Variants in SORCS2 observed in about 807,000 individuals in gnomAD.
The protein encoded by SORCS2 is VPS10 domain-containing receptor SorCS2.
SORCS2 carries 100 observed loss-of-function variants against 141.6 expected under a neutral mutation model. That is an observed-to-expected ratio of 0.71 (90% CI 0.60 to 0.83). The LOEUF is 0.83. SORCS2 is among the 40% of genes least tolerant of loss of function. SORCS2 has a pLI of 0.00. For missense variants in SORCS2, 1,646 were observed against 1,560.2 expected, an observed-to-expected ratio of 1.05 and a Z score of -0.93; for synonymous variants, 789 against 676.9, an observed-to-expected ratio of 1.17 and a Z score of -2.57.
At chr4:7,658,949 A>G (rs1179244988) in intron 5 of SORCS2, among the ~76,000 whole-genome samples, 1 of 152,238 alleles carries the variant, frequency 6.6e-6, no homozygotes, top group Non-Finnish European at 1.5e-5. Context: ...GGCCACTGAT[A>G]CCAGGAAGTG....
At chr4:7,561,622 A>T (rs1223868123) in intron 3 of SORCS2, among the ~76,000 whole-genome samples, 8 of 148,510 alleles carry the variant, frequency 5.4e-5, no homozygotes, top group Admixed American at 5.3e-4. Context: ...CCATCCGTCT[A>T]TCTACCCATT....
chr4:7,654,322 C>T (rs1224610314), intron 5 of SORCS2, 115 bp downstream of exon 5: 7 of 1,088,112 alleles, frequency 6.4e-6, no homozygotes, highest in East Asian at 2.6e-5. Flanking sequence ...GGACCCTCCC[C>T]ATCCCGGGGC....
intron 2 of SORCS2, among the ~76,000 whole-genome samples, chr4:7,528,179 A>T (rs939712031): frequency 2.0e-5 from 3 of 152,154 alleles, no homozygotes; most frequent in Non-Finnish European, 4.4e-5. Context: ...CAGTATGCAC[A>T]CATCATGTGA....
chr4:7,639,691 G>A (rs1013083747), intron 4 of SORCS2, among the ~76,000 whole-genome samples: 1 of 150,018 alleles, frequency 6.7e-6, no homozygotes, highest in African/African-American at 2.5e-5. Flanking sequence ...GAGGGTGTGG[G>A]TGTCTGTGTG....
chr4:7,737,674 C>T (rs1319102193), intron 26 of SORCS2, among the ~76,000 whole-genome samples: 1 of 152,210 alleles, frequency 6.6e-6, no homozygotes, highest in Admixed American at 6.5e-5. Context: ...CGCTCCTGGT[C>T]ATGCCCAGCA....
At chr4:7,462,446 A>C (rs1053912027) in intron 2 of SORCS2, among the ~76,000 whole-genome samples, 1 of 152,152 alleles carries the variant, frequency 6.6e-6, no homozygotes, top group Non-Finnish European at 1.5e-5. Flanking sequence ...TTATAAGCCT[A>C]TCAGTAGGCC....
intron 2 of SORCS2, among the ~76,000 whole-genome samples, chr4:7,413,902 C>T (rs1012521741): frequency 1.1e-4 from 16 of 152,068 alleles, no homozygotes; most frequent in African/African-American, 3.1e-4. Flanking sequence ...TTTCCTCCTG[C>T]CTATCGGATT....
intron 1 of SORCS2, among the ~76,000 whole-genome samples, chr4:7,223,784 C>T (rs1022026778): frequency 2.6e-5 from 4 of 152,198 alleles, no homozygotes; most frequent in Non-Finnish European, 5.9e-5. Flanking sequence ...CTGGTCTGGC[C>T]TGTGGCCCAC....
rs73214682 is a variant in SORCS2 at position 7,576,848 on chromosome 4, T to G, written c.648+45219T>G. Among the ~76,000 whole-genome samples the G allele has an allele frequency of 9.2e-3, 1,397 of 152,286 alleles. 11 individuals are homozygous for G. The highest frequency in any genetic ancestry group is 0.016 in the Non-Finnish European group (1,096 of 68,026). ...CCAGCCTGGCTCATGGCACATGAAC[T>G]CATGCGTGCCCCACCCAGCGGACCA... On this transcript the variant is annotated intron_variant, in intron 3 of 26. Coordinates refer to ENST00000507866, the MANE Select transcript of SORCS2 (RefSeq NM_020777.3).
At chr4:7,699,752 C>A (rs1230763710) in intron 12 of SORCS2, among the ~76,000 whole-genome samples, 1 of 152,196 alleles carries the variant, frequency 6.6e-6, no homozygotes, top group African/African-American at 2.4e-5. Context: ...TCTCCGCCAC[C>A]CGCCTGGCCA....
intron 1 of SORCS2, among the ~76,000 whole-genome samples, chr4:7,196,317 T>C (rs1727164384): frequency 6.6e-6 from 1 of 152,164 alleles, no homozygotes; most frequent in South Asian, 2.1e-4. Context: ...AGCGGTGCTA[T>C]TTGAAGGTGG....
At chr4:7,502,267 C>T (rs1732020021) in intron 2 of SORCS2, among the ~76,000 whole-genome samples, 1 of 152,180 alleles carries the variant, frequency 6.6e-6, no homozygotes, top group African/African-American at 2.4e-5. Flanking sequence ...CCTTGGAAGC[C>T]AGCACGAGGC....
At chr4:7,682,114 C>G (rs1055281167) in intron 9 of SORCS2, among the ~76,000 whole-genome samples, 4 of 152,172 alleles carry the variant, frequency 2.6e-5, no homozygotes, top group Non-Finnish European at 5.9e-5. Context: ...AACTTAGTAA[C>G]CACTCTTGGA....
At chr4:7,569,602 T>C (rs1360123551) in intron 3 of SORCS2, among the ~76,000 whole-genome samples, 6 of 152,234 alleles carry the variant, frequency 3.9e-5, no homozygotes, top group African/African-American at 1.2e-4. Flanking sequence ...CTATCCTATG[T>C]GCAGAGAACA....
intron 1 of SORCS2, among the ~76,000 whole-genome samples, chr4:7,335,091 C>A (rs947127961): frequency 6.6e-6 from 1 of 152,162 alleles, no homozygotes; most frequent in African/African-American, 2.4e-5. Context: ...TGTGTCCCTT[C>A]AGCTCCCATT....
At chr4:7,336,972 C>T (rs533233378) in intron 1 of SORCS2, among the ~76,000 whole-genome samples, 39 of 152,240 alleles carry the variant, frequency 2.6e-4, no homozygotes, top group African/African-American at 9.1e-4. Flanking sequence ...CTCCTTTCAG[C>T]GCGGTGGTGA....
chr4:7,349,108 T>C (rs1429823357), intron 1 of SORCS2, among the ~76,000 whole-genome samples: 1 of 152,176 alleles, frequency 6.6e-6, no homozygotes, highest in Non-Finnish European at 1.5e-5. Context: ...CTGAGCTTGG[T>C]GCTTGCAGTA....
At chr4:7,448,162 C>T (rs12501539) in intron 2 of SORCS2, among the ~76,000 whole-genome samples, 127,469 of 152,118 alleles carry the variant, frequency 0.84, 54,069 homozygotes, top group Middle Eastern at 0.92. Context: ...AGTTGTGTTT[C>T]GTGCCCCCCA....
At chr4:7,245,471 G>C (rs998144156) in intron 1 of SORCS2, among the ~76,000 whole-genome samples, 3 of 152,238 alleles carry the variant, frequency 2.0e-5, no homozygotes, top group South Asian at 2.1e-4. Context: ...AATAACTTGG[G>C]CTTTAGAGTC....
Sources: gnomAD v4.1 joint callset for allele counts (sites outside exome capture counted in the v4.1 genomes callset) on GRCh38, gnomAD v4.1.1 for gene constraint, MANE v1.5 for transcripts, NCBI Gene and HGNC (gene_info 2026-07-23, HGNC 2026-07-21) for gene names.